The following ACYP2 variants were observed in gnomAD, a reference collection of about 807,000 sequenced individuals.
ACYP2 encodes acylphosphatase 2, also known as acylphosphatase-2.
Under a neutral mutation model 11.2 loss-of-function variants are expected in ACYP2, and 12 were observed. The ratio of observed to expected loss-of-function variants is 1.08; its 90% CI spans 0.69 to 1.74. ACYP2 has a LOEUF of 1.74. Ranked by LOEUF, ACYP2 falls within the 40% of genes most tolerant of loss-of-function variation. ACYP2 has a pLI of 0.00. For synonymous variants in ACYP2, 43 were observed against 32.2 expected, an observed-to-expected ratio of 1.33 and a Z score of -1.13; for missense variants, 134 against 101.9, an observed-to-expected ratio of 1.31 and a Z score of -1.35.
At chr2:54,147,992 C>T (rs1386811797) in intron 6 of ACYP2, among the ~76,000 whole-genome samples, 1 of 152,080 alleles carries the variant, frequency 6.6e-6, no homozygotes, top group Non-Finnish European at 1.5e-5. Flanking sequence ...CAGATGGTTA[C>T]TGGCCTTAGT....
At chr2:54,161,103 T>G (rs1332664223) in intron 6 of ACYP2, among the ~76,000 whole-genome samples, 1 of 152,140 alleles carries the variant, frequency 6.6e-6, no homozygotes, top group African/African-American at 2.4e-5. Context: ...CAGTGTGAGT[T>G]CATAAGCCCT....
chr2:54,133,459 G>T (rs1327368009), intron 4 of ACYP2, among the ~76,000 whole-genome samples: 1 of 151,942 alleles, frequency 6.6e-6, no homozygotes, highest in Non-Finnish European at 1.5e-5. Context: ...GTACGAAAAA[G>T]TAAATTTCCA....
chr2:54,007,153 A>AG (rs1673111017), intron 2 of ACYP2, among the ~76,000 whole-genome samples: 1 of 146,818 alleles, frequency 6.8e-6, no homozygotes, highest in South Asian at 2.1e-4. Flanking sequence ...AAAAAAAAAA[A>AG]AAAAAAAAAA....
chr2:54,245,948 C>G (rs1038647652), intron 6 of ACYP2, among the ~76,000 whole-genome samples: 1 of 152,036 alleles, frequency 6.6e-6, no homozygotes, highest in African/African-American at 2.4e-5. Context: ...TGTCCTGGAA[C>G]TTTTCTCCTA....
intron 3 of ACYP2, among the ~76,000 whole-genome samples, chr2:54,053,921 G>A (rs181744481): frequency 6.6e-6 from 1 of 152,250 alleles, no homozygotes; most frequent in African/African-American, 2.4e-5. Context: ...CAGGTGTTCT[G>A]GTCTTTCATT....
chr2:54,294,194 A>C (rs1407430089), intron 6 of ACYP2, among the ~76,000 whole-genome samples: 1 of 152,192 alleles, frequency 6.6e-6, no homozygotes, highest in Non-Finnish European at 1.5e-5. Context: ...CTAGTGCTTT[A>C]ATTTCACCTC....
intron 6 of ACYP2, among the ~76,000 whole-genome samples, chr2:54,205,683 A>G (rs186935608): frequency 5.9e-5 from 9 of 152,176 alleles, no homozygotes; most frequent in East Asian, 5.8e-4. Flanking sequence ...CTTTTTACCA[A>G]TGTCTTCCAA....
At position 54,237,931 on chromosome 2, in the gene ACYP2, T is replaced by G. The variant is rs115513563; in HGVS notation, c.405-66757T>G. ...CGGCAACCTATCTGACCCCATCCCC[T>G]GCCGTACTCTCGTTACTCGCTTGTC... On this transcript the variant is annotated intron_variant, in intron 6 of 6. Coordinates refer to ENST00000607452, the MANE Select transcript of ACYP2 (RefSeq NM_001320586.2). Among the ~76,000 whole-genome samples, 366 of 152,304 alleles carry G rather than the reference T, an allele frequency of 2.4e-3. 1 individual carries two copies. Among genetic ancestry groups the G allele is most frequent in the African/African-American group, 8.5e-3 (355 of 41,586 alleles).
intron 5 of ACYP2, among the ~76,000 whole-genome samples, chr2:54,138,177 G>A (rs150588589): frequency 4.6e-5 from 7 of 151,986 alleles, no homozygotes; most frequent in African/African-American, 1.2e-4. Flanking sequence ...TGGAAATTTC[G>A]AAGTGTTGTA....
At chr2:54,205,646 A>G (rs1281361297) in intron 6 of ACYP2, among the ~76,000 whole-genome samples, 1 of 152,104 alleles carries the variant, frequency 6.6e-6, no homozygotes, top group African/African-American at 2.4e-5. Context: ...TTCTATAGTG[A>G]CTTAGATTTA....
chr2:54,276,500 G>T (rs1197215392), intron 6 of ACYP2, among the ~76,000 whole-genome samples: 1 of 151,786 alleles, frequency 6.6e-6, no homozygotes, highest in Non-Finnish European at 1.5e-5. Flanking sequence ...TTTAACTCTG[G>T]ATGTCATTAC....
rs1247576432 is a variant in ACYP2, at chr2:54,206,455, C to G, written c.404+67707C>G. 2.0e-5 allele frequency among the ~76,000 whole-genome samples: 3 copies of G among 152,148 alleles called. No individual in the cohort carries two copies. The East Asian group carries it at 5.8e-4, about 29-fold the overall frequency. ...AATGCTTTTATTCAGATTATGTTAT[C>G]ATATGTTCTTGTTTAATTAGGTTGC... On this transcript the variant is annotated intron_variant, in intron 6 of 6. Coordinates refer to ENST00000607452, the MANE Select transcript of ACYP2 (RefSeq NM_001320586.2).
chr2:54,105,102 G>A (rs1412086059), intron 4 of ACYP2, among the ~76,000 whole-genome samples: 1 of 152,198 alleles, frequency 6.6e-6, no homozygotes, highest in East Asian at 1.9e-4. Context: ...TTTCCCCCCA[G>A]GAAAACTTCT....
intron 6 of ACYP2, among the ~76,000 whole-genome samples, chr2:54,302,173 C>A (rs1219801544): frequency 1.3e-5 from 2 of 152,178 alleles, no homozygotes; most frequent in African/African-American, 4.8e-5. Flanking sequence ...CCCAGTAGCC[C>A]TAGTCTTGGA....
chr2:54,123,781 A>T (rs929066167), intron 4 of ACYP2, among the ~76,000 whole-genome samples: 1 of 152,168 alleles, frequency 6.6e-6, no homozygotes, highest in Non-Finnish European at 1.5e-5. Flanking sequence ...AAAGGGTACC[A>T]GTGCAATACC....
At chr2:53,989,775 T>A (rs1558455930) in intron 2 of ACYP2, among the ~76,000 whole-genome samples, 1 of 152,156 alleles carries the variant, frequency 6.6e-6, no homozygotes, top group South Asian at 2.1e-4. Context: ...CAGTTTGGCA[T>A]TGAGGCTGTG....
chr2:53,982,913 T>G (rs1021437496), intron 2 of ACYP2, among the ~76,000 whole-genome samples: 1 of 151,232 alleles, frequency 6.6e-6, no homozygotes, highest in Non-Finnish European at 1.5e-5. Flanking sequence ...ATTTATATGC[T>G]GGAAATGTGA....
At chr2:54,092,670 A>G (rs748547929) in intron 4 of ACYP2, among the ~76,000 whole-genome samples, 1 of 152,178 alleles carries the variant, frequency 6.6e-6, no homozygotes, top group Non-Finnish European at 1.5e-5. Flanking sequence ...GCCCCCTGAC[A>G]TTCTAGTAAG....
chr2:54,252,543 T>C (rs900768353), intron 6 of ACYP2, among the ~76,000 whole-genome samples: 5 of 152,210 alleles, frequency 3.3e-5, no homozygotes, highest in Non-Finnish European at 5.9e-5. Context: ...TCAACCTTTG[T>C]TATTTTCCAT....
Sources: allele counts gnomAD v4.1 joint callset (sites outside exome capture counted in the v4.1 genomes callset), GRCh38; gene constraint gnomAD v4.1.1; transcripts MANE v1.5; gene names NCBI Gene and HGNC (gene_info 2026-07-23, HGNC 2026-07-21).